Variants in CACNB4 observed in about 807,000 individuals in gnomAD.
The protein encoded by CACNB4 is voltage-dependent L-type calcium channel subunit beta-4.
In CACNB4, 32 loss-of-function variants were observed where a neutral mutation model predicts 71.2. The observed-to-expected ratio is 0.45, with a 90% CI of 0.34 to 0.60. The LOEUF is 0.60. Ranked by LOEUF, CACNB4 falls within the 20% of genes least tolerant of loss-of-function variation. CACNB4 has a pLI of 0.01. For synonymous variants in CACNB4, 231 were observed against 236.9 expected, an observed-to-expected ratio of 0.97 and a Z score of 0.23; for missense variants, 464 against 647.9, an observed-to-expected ratio of 0.72 and a Z score of 3.08.
At chr2:151,959,037 T>G (rs2099869000) in intron 2 of CACNB4, among the ~76,000 whole-genome samples, 1 of 152,206 alleles carries the variant, frequency 6.6e-6, no homozygotes, top group South Asian at 2.1e-4. Flanking sequence ...CCTTGGAGTC[T>G]AAGGACCTCG....
rs1008679817 is a variant in CACNB4, at chr2:152,049,470, G to A, written c.147+48860C>T. Among the ~76,000 whole-genome samples the A allele has an allele frequency of 1.1e-4, 16 of 152,122 alleles. 1 individual carries two copies. Among genetic ancestry groups the A allele is most frequent in the South Asian group, 4.2e-4 (2 of 4,804 alleles). ...CCGGCCTGCATTCTCTTTCCCTCTC[G>A]TTTCACAACCGTATTTCTCCTTCTC... is the stretch of plus-strand genomic sequence containing the variant. On this transcript the variant is annotated intron_variant, in intron 2 of 13. Transcript: ENST00000539935.
intron 12 of CACNB4, among the ~76,000 whole-genome samples, chr2:151,849,185 A>G (rs1012052817): frequency 6.6e-6 from 1 of 152,150 alleles, no homozygotes; most frequent in African/African-American, 2.4e-5. Context: ...CAGATTTTAA[A>G]TGGTCACAAA....
intron 2 of CACNB4, among the ~76,000 whole-genome samples, chr2:151,894,778 A>G (rs2099851587): frequency 6.6e-6 from 1 of 152,214 alleles, no homozygotes; most frequent in Non-Finnish European, 1.5e-5. Flanking sequence ...ACTCGCTGAA[A>G]AAGGAATCAA....
intron 4 of CACNB4, chr2:151,879,784 A>T (rs1412349966): frequency 6.6e-6 from 1 of 152,266 alleles, no homozygotes; most frequent in Non-Finnish European, 1.5e-5. Flanking sequence ...ACTGATCAAC[A>T]AGCACATAGC....
chr2:152,035,633 C>CTCTCTA (rs1684536822), intron 2 of CACNB4, among the ~76,000 whole-genome samples: 1 of 103,754 alleles, frequency 9.6e-6, no homozygotes, highest in Non-Finnish European at 1.8e-5. Flanking sequence ...CCCTCTCCCT[C>CTCTCTA]TCTCTCTCTC....
chr2:152,033,197 G>A (rs142337559), intron 2 of CACNB4, among the ~76,000 whole-genome samples: 21 of 152,266 alleles, frequency 1.4e-4, no homozygotes, highest in Admixed American at 3.9e-4. Flanking sequence ...GAGGAGAAGC[G>A]GGGTGGGGGA....
intron 2 of CACNB4, among the ~76,000 whole-genome samples, chr2:151,964,069 G>GAAAAAAAA (rs397825547): frequency 3.0e-5 from 3 of 99,252 alleles, no homozygotes; most frequent in African/African-American, 4.1e-5. Flanking sequence ...CTGTCTCACA[G>GAAAAAAAA]AAAAAAAAAA....
At chr2:151,932,347 T>G (rs921852360) in intron 2 of CACNB4, among the ~76,000 whole-genome samples, 2 of 152,056 alleles carry the variant, frequency 1.3e-5, no homozygotes, top group Non-Finnish European at 2.9e-5. Context: ...AGGCTACAGA[T>G]GAAACATGAC....
chr2:151,981,678 G>A (rs1207987263), intron 2 of CACNB4, among the ~76,000 whole-genome samples: 1 of 152,072 alleles, frequency 6.6e-6, no homozygotes. Context: ...CAGGAACTAT[G>A]TTTTACTCAT....
In CACNB4 at chr2:151,883,921, G is replaced by A. The variant is rs550244430; in HGVS notation, c.148-551C>T. On this transcript the variant is annotated intron_variant, in intron 2 of 13. Coordinates refer to ENST00000539935, the MANE Select transcript of CACNB4 (RefSeq NM_000726.5). The stretch of plus-strand genomic sequence containing the variant: ...ATTGTCCTGCAGCAGCCCAGACGTG[G>A]TCAACAAGAACACTGAGCAGAAAAA... The A allele has an allele frequency of 5.5e-5, 10 of 181,042 alleles. No individual in the cohort carries two copies. The South Asian group carries it at 9.8e-4, about 18-fold the overall frequency. 11.2% of individuals were successfully genotyped at this position (181,042 alleles called of 1,614,324 possible).
chr2:152,029,999 C>T (rs2105182533), intron 2 of CACNB4, among the ~76,000 whole-genome samples: 1 of 152,254 alleles, frequency 6.6e-6, no homozygotes, highest in South Asian at 2.1e-4. Flanking sequence ...ATCATGATAA[C>T]AAGAAAAGAG....
At chr2:152,055,532 G>C (rs1441745721) in intron 2 of CACNB4, among the ~76,000 whole-genome samples, 2 of 152,054 alleles carry the variant, frequency 1.3e-5, no homozygotes, top group Non-Finnish European at 2.9e-5. Context: ...CTCACTTATG[G>C]AGACATGGCA....
intron 11 of CACNB4, chr2:151,854,268 C>A (rs2099839723): frequency 6.6e-6 from 1 of 152,282 alleles, no homozygotes; most frequent in Non-Finnish European, 1.5e-5. Context: ...TCCTGCACTG[C>A]AGTGAAGTGC....
Position 151,862,400 on chromosome 2 carries a change from A to G in CACNB4, c.759-1580T>C, listed in dbSNP as rs1426538474. 4.6e-5 allele frequency among the ~76,000 whole-genome samples: 7 copies of G among 152,192 alleles called. No individual in the cohort carries two copies. The East Asian group carries it at 1.3e-3, about 29-fold the overall frequency. On this transcript the variant is annotated intron_variant, in intron 9 of 13. Transcript: ENST00000539935. ...AAGCAAAGCACTGCTTGCCTGTGTC[A>G]TTATGTTTATATGCTGTGGGTTGTC...
At chr2:152,064,501 C>A (rs1342134660) in intron 2 of CACNB4, among the ~76,000 whole-genome samples, 3 of 152,202 alleles carry the variant, frequency 2.0e-5, no homozygotes, top group Non-Finnish European at 4.4e-5. Flanking sequence ...CTGCCTCAGC[C>A]TCCCAAGTAG....
chr2:151,853,161 C>G, intron 12 of CACNB4: 2 of 300,372 alleles, frequency 6.7e-6, no homozygotes, highest in Non-Finnish European at 1.2e-5. Context: ...TGACTGGAGG[C>G]TGAATGCTAA....
intron 2 of CACNB4, among the ~76,000 whole-genome samples, chr2:152,052,341 C>T (rs1360567730): frequency 1.3e-5 from 2 of 152,206 alleles, no homozygotes; most frequent in African/African-American, 4.8e-5. Context: ...CACTCTGTCG[C>T]CTAGGCTGGA....
At chr2:151,852,126 T>C (rs971047421) in intron 12 of CACNB4, 1 of 152,190 alleles carries the variant, frequency 6.6e-6, no homozygotes, top group African/African-American at 2.4e-5. Flanking sequence ...CTAGAATAGA[T>C]TGAATCCTAA....
intron 2 of CACNB4, among the ~76,000 whole-genome samples, chr2:152,021,019 G>A (rs913633526): frequency 2.0e-5 from 3 of 152,184 alleles, no homozygotes; most frequent in Non-Finnish European, 2.9e-5. Flanking sequence ...TTGGGAGGCT[G>A]AGGCGGGTGG....
Sources: allele counts gnomAD v4.1 joint callset (sites outside exome capture counted in the v4.1 genomes callset), GRCh38; gene constraint gnomAD v4.1.1; transcripts MANE v1.5; gene names NCBI Gene and HGNC (gene_info 2026-07-23, HGNC 2026-07-21).